ABCB7: variants seen among roughly 807,000 people sequenced by gnomAD.
ABCB7 encodes the protein ATP binding cassette subfamily B member 7, also known as iron-sulfur clusters transporter ABCB7, mitochondrial.
In ABCB7, 7 loss-of-function variants were observed where a neutral mutation model predicts 54.4. That is an observed-to-expected ratio of 0.13 (90% CI 0.07 to 0.24). ABCB7 has a LOEUF of 0.24. Among genes scored for constraint, ABCB7 ranks in the 10% least tolerant of loss-of-function variants. ABCB7 has a pLI of 1.00. For missense variants in ABCB7, 356 were observed against 570.4 expected, an observed-to-expected ratio of 0.62 and a Z score of 3.83; for synonymous variants, 218 against 207.1, an observed-to-expected ratio of 1.05 and a Z score of -0.45.
chrX:75,063,741 T>C (rs1287894301), intron 13 of ABCB7, among the ~76,000 whole-genome samples: 3 of 112,276 alleles, frequency 2.7e-5, no homozygotes. Context: ...AGAAGAAATG[T>C]CTGTTTATTC....
chrX:75,082,815 T>C (rs2081466603), intron 4 of ABCB7, among the ~76,000 whole-genome samples: 1 of 111,064 alleles, frequency 9.0e-6, no homozygotes, highest in South Asian at 3.8e-4. Context: ...ACTACAAAAT[T>C]ATATAAAGAG....
intron 4 of ABCB7, among the ~76,000 whole-genome samples, chrX:75,086,800 C>T (rs1312536623): frequency 9.0e-6 from 1 of 111,493 alleles, no homozygotes; most frequent in African/African-American, 3.3e-5. Flanking sequence ...CAAACAGGAT[C>T]TGAGAAAAAC....
rs779407969 is a variant in ABCB7 at position 75,152,663 on chromosome X, T to C, written c.168+3442A>G. On this transcript the variant is annotated intron_variant, in intron 1 of 15. Transcript: ENST00000373394. ...AAATAACCCCTTCAGGTCCTTTTTTTTTTTTCTTTTTTTTGAGAGGAAGTC... is the reference window on the plus strand; with the variant it reads ...AAATAACCCCTTCAGGTCCTTTTTTCTTTTTCTTTTTTTTGAGAGGAAGTC... 8.1e-5 allele frequency among the ~76,000 whole-genome samples: 9 copies of C among 110,544 alleles called. No homozygotes were observed. In the East Asian group the frequency reaches 2.6e-3, roughly 31 times the overall value.
intron 3 of ABCB7, among the ~76,000 whole-genome samples, chrX:75,108,086 C>A (rs1428475976): frequency 9.0e-6 from 1 of 111,163 alleles, no homozygotes; most frequent in Non-Finnish European, 1.9e-5. Flanking sequence ...CCTGTGGTGG[C>A]TGTGGCTACA....
intron 1 of ABCB7, among the ~76,000 whole-genome samples, chrX:75,152,074 G>C (rs1300700578): frequency 8.9e-6 from 1 of 111,834 alleles, no homozygotes; most frequent in Non-Finnish European, 1.9e-5. Context: ...GGTATGTCTT[G>C]CTCTTTTCAA....
At chrX:75,133,449 C>G (rs1383897330) in intron 1 of ABCB7, among the ~76,000 whole-genome samples, 1 of 111,790 alleles carries the variant, frequency 8.9e-6, no homozygotes, top group Non-Finnish European at 1.9e-5. Flanking sequence ...GAGAGGCTGA[C>G]ATACAAGTTC....
chrX:75,065,812 C>G (rs888980450), intron 12 of ABCB7, among the ~76,000 whole-genome samples: 1 of 111,058 alleles, frequency 9.0e-6, no homozygotes, highest in Non-Finnish European at 1.9e-5. Context: ...GATATTATTG[C>G]CCAAATGTCT....
Position 75,156,241 on chromosome X carries a change from C to G in ABCB7, c.32G>C (p.Trp11Ser). 1 of 1,205,834 alleles carries G rather than the reference C, an allele frequency of 8.3e-7. No individual in the cohort carries two copies. The highest frequency in any genetic ancestry group is 1.1e-6 in the Non-Finnish European group (1 of 892,792). ...TTCGAAAGCAGCCGCCGCGGCCGCC[C>G]AGCGCCAAGAATGCATCGCGAGCAG... MALLAMHSWRWAAAAAAFEKR... is the reference protein window; with the variant it reads MALLAMHSWRSAAAAAAFEKR... The change falls in exon 1 of 16, where the codon TGG (tryptophan) becomes TCG (serine). Residue 11 changes from tryptophan (W) to serine (S), a missense_variant. This residue lies in a region of ABCB7 where 115 missense variants were observed against 99.5 expected (regional missense o/e 1.16). Transcript: ENST00000373394.
At chrX:75,069,476 A>C (rs1176407951) in intron 10 of ABCB7, 22 bp from the exon 11 acceptor site, 2 of 1,202,708 alleles carry the variant, frequency 1.7e-6, no homozygotes, top group African/African-American at 3.5e-5. Context: ...GAGAAAAAAA[A>C]AGCCACTTTA....
At chrX:75,106,272 A>G (rs759717532) in intron 3 of ABCB7, among the ~76,000 whole-genome samples, 6 of 111,982 alleles carry the variant, frequency 5.4e-5, no homozygotes, top group Admixed American at 4.7e-4. Context: ...GAAAAAAACA[A>G]GTAACTCCAT....
At chrX:75,081,278 G>A (rs148591097) in intron 4 of ABCB7, among the ~76,000 whole-genome samples, 3,218 of 111,701 alleles carry the variant, frequency 0.029, 117 homozygotes, top group African/African-American at 0.1. Context: ...TTTCGGAGTA[G>A]CCATCATAAA....
At chrX:75,108,817 T>G (rs2081729697) in intron 3 of ABCB7, among the ~76,000 whole-genome samples, 1 of 111,418 alleles carries the variant, frequency 9.0e-6, no homozygotes, top group Non-Finnish European at 1.9e-5. Context: ...CACTAAATAC[T>G]TATTCCATTA....
At chrX:75,078,388 T>A (rs1041678323) in intron 4 of ABCB7, among the ~76,000 whole-genome samples, 3 of 111,896 alleles carry the variant, frequency 2.7e-5, no homozygotes, top group Non-Finnish European at 5.6e-5. Flanking sequence ...TCATTTTGTA[T>A]GTATATATGC....
Position 75,060,016 on chromosome X carries a change from TATA to T in ABCB7, c.2043+204_2043+206del, listed in dbSNP as rs200468258. ...ATGCTTTCCTGATTAAACTTTTGCTTATAATACTTTAATAAAGAGTGAGTTAAT... is the reference window on the plus strand; with the variant it reads ...ATGCTTTCCTGATTAAACTTTTGCTTATACTTTAATAAAGAGTGAGTTAAT... On this transcript the variant is annotated intron_variant, in intron 15 of 15. Coordinates refer to ENST00000373394, the MANE Select transcript of ABCB7 (RefSeq NM_001271696.3). 0.028 allele frequency among the ~76,000 whole-genome samples: 3,171 copies of T among 112,029 alleles called. 115 individuals carry two copies. The highest frequency in any genetic ancestry group is 0.099 in the African/African-American group (3,040 of 30,804).
chrX:75,153,178 C>T (rs867046921), intron 1 of ABCB7, among the ~76,000 whole-genome samples: 43 of 110,750 alleles, frequency 3.9e-4, no homozygotes, highest in African/African-American at 1.3e-3. Context: ...CCCGGGTTCA[C>T]GCCATTCTCC....
At chrX:75,062,093 T>C (rs1187927759) in intron 14 of ABCB7, among the ~76,000 whole-genome samples, 1 of 112,625 alleles carries the variant, frequency 8.9e-6, no homozygotes, top group Non-Finnish European at 1.9e-5. Context: ...TATCACATAG[T>C]TCCAAAAGGA....
At chrX:75,069,582 A>T in intron 10 of ABCB7, 128 bp from the exon 11 acceptor site, 5 of 668,051 alleles carry the variant, frequency 7.5e-6, no homozygotes, top group Non-Finnish European at 1.1e-5. Context: ...GTGGACTTAG[A>T]CCACTTCCAA....
intron 1 of ABCB7, among the ~76,000 whole-genome samples, chrX:75,135,601 C>G (rs2082003830): frequency 8.9e-6 from 1 of 111,768 alleles, no homozygotes; most frequent in East Asian, 2.8e-4. Context: ...CAAACCAAAT[C>G]CAGCAGCACA....
intron 1 of ABCB7, among the ~76,000 whole-genome samples, chrX:75,127,128 T>G (rs2081938376): frequency 1.8e-5 from 2 of 111,355 alleles, no homozygotes; most frequent in African/African-American, 6.5e-5. Context: ...CAGGCCAATA[T>G]CCCTGATGAA....
Sources: gnomAD v4.1 joint callset for allele counts (sites outside exome capture counted in the v4.1 genomes callset) on GRCh38, gnomAD v4.1.1 for gene constraint, gnomAD v4.1.1 regional missense constraint, MANE v1.5 for transcripts, NCBI Gene and HGNC (gene_info 2026-07-23, HGNC 2026-07-21) for gene names.